Variants in PRTG observed in about 807,000 individuals in gnomAD.
PRTG encodes protogenin.
A neutral mutation model predicts 122.5 loss-of-function variants in PRTG; 67 were observed. The ratio of observed to expected loss-of-function variants is 0.55; its 90% CI spans 0.45 to 0.67. The LOEUF is 0.67. Ranked by LOEUF, PRTG falls within the 30% of genes least tolerant of loss-of-function variation. PRTG has a pLI of 0.00. For synonymous variants in PRTG, 554 were observed against 501.1 expected, an observed-to-expected ratio of 1.11 and a Z score of -1.41; for missense variants, 1,435 against 1,415.4, an observed-to-expected ratio of 1.01 and a Z score of -0.22.
rs1032052713 is a variant in PRTG, at chr15:55,656,504, G to A, written c.2042-15296C>T. ...ACTTCGAAAGCTTTCCTAACCCAGA[G>A]CAGTGTAATTTTTTCTTTTTTGAGA... On this transcript the variant is annotated intron_variant, in intron 11 of 19. Transcript: ENST00000389286. 10 of 358,126 alleles carry A rather than the reference G, an allele frequency of 2.8e-5. No homozygotes were observed. In the Admixed American group the frequency reaches 3.4e-4, roughly 12 times the overall value. 22.2% of individuals were successfully genotyped at this position (358,126 alleles called of 1,614,324 possible).
intron 11 of PRTG, among the ~76,000 whole-genome samples, chr15:55,645,714 A>G (rs2059318475): frequency 6.6e-6 from 1 of 152,136 alleles, no homozygotes; most frequent in Non-Finnish European, 1.5e-5. Context: ...CAAACCAGAG[A>G]CCAGGGCCAA....
chr15:55,742,682 A>T, intron 1 of PRTG, 156 bp downstream of exon 1: 1 of 887,384 alleles, frequency 1.1e-6, no homozygotes, highest in Non-Finnish European at 1.7e-6. Flanking sequence ...GCGGTTCCGG[A>T]CAGGCCGCAG....
At chr15:55,711,609 G>T (rs2141855076) in intron 2 of PRTG, among the ~76,000 whole-genome samples, 2 of 152,194 alleles carry the variant, frequency 1.3e-5, no homozygotes, top group East Asian at 3.9e-4. Flanking sequence ...GGAAAGACAT[G>T]GTCCAATCTT....
At chr15:55,627,284 TAATCAGTGA>T (rs2059200152) in intron 16 of PRTG, among the ~76,000 whole-genome samples, 156 bp from the exon 17 acceptor site, 2 of 151,890 alleles carry the variant, frequency 1.3e-5, no homozygotes, top group African/African-American at 4.8e-5. Flanking sequence ...CAGTAATCTT[TAATCAGTGA>T]TTTCAGAGAC....
At chr15:55,633,476 C>T (rs1357350968) in intron 15 of PRTG, among the ~76,000 whole-genome samples, 2 of 152,156 alleles carry the variant, frequency 1.3e-5, no homozygotes, top group African/African-American at 2.4e-5. Flanking sequence ...GTATTATATG[C>T]TCACCAGAAA....
chr15:55,666,867 A>G (rs2059442006), intron 11 of PRTG, among the ~76,000 whole-genome samples: 1 of 152,214 alleles, frequency 6.6e-6, no homozygotes, highest in African/African-American at 2.4e-5. Context: ...CAATACCATT[A>G]TCCCTACCTA....
intron 17 of PRTG, among the ~76,000 whole-genome samples, chr15:55,625,716 C>T (rs1326747369): frequency 1.3e-5 from 2 of 151,924 alleles, no homozygotes; most frequent in Non-Finnish European, 1.5e-5. Context: ...CTCCCCCTCC[C>T]GGGTTCATGC....
chr15:55,741,847 T>C (rs1305234277), intron 1 of PRTG, among the ~76,000 whole-genome samples: 1 of 152,244 alleles, frequency 6.6e-6, no homozygotes, highest in Admixed American at 6.5e-5. Context: ...AAGGCGCCCA[T>C]TGTGTTTCTG....
chr15:55,623,780 TATACTG>T (rs1324129469), intron 18 of PRTG, among the ~76,000 whole-genome samples: 2 of 152,188 alleles, frequency 1.3e-5, no homozygotes, highest in African/African-American at 4.8e-5. Flanking sequence ...TATTATTATA[TATACTG>T]GAAAGGACAT....
At chr15:55,629,384 T>C (rs984173300) in intron 15 of PRTG, among the ~76,000 whole-genome samples, 7 of 71,880 alleles carry the variant, frequency 9.7e-5, no homozygotes, top group African/African-American at 5.8e-4. Context: ...TATGTGTGTG[T>C]GTGTGTGTGT....
At chr15:55,661,881 T>C (rs1457389231) in intron 11 of PRTG, among the ~76,000 whole-genome samples, 1 of 112,610 alleles carries the variant, frequency 8.9e-6, no homozygotes, top group Non-Finnish European at 1.9e-5. Flanking sequence ...GAAAAAGAAA[T>C]CTTGCTTAAT....
In PRTG at chr15:55,620,120, T is replaced by C. The variant is rs981729792; in HGVS notation, c.3345A>G (p.Ala1115=). 1 of 1,614,112 alleles carries C rather than the reference T, an allele frequency of 6.2e-7. No individual in the cohort carries two copies. The highest frequency in any genetic ancestry group is 8.5e-7 in the Non-Finnish European group (1 of 1,180,044). ...CAGTCTCATGGCTGCCTTCACTATT[T>C]GCTGAATGTTCTGTATCAGCTGCAA... ...FGVAADTEHS[A]NSEGSHETGD... Residue 1115 remains alanine, a synonymous_variant, in exon 20 of 20, where the codon GCA becomes GCG. Coordinates refer to ENST00000389286, the MANE Select transcript of PRTG (RefSeq NM_173814.6).
At position 55,627,024 on chromosome 15, in the gene PRTG, A is replaced by T. The variant is rs1435354528; in HGVS notation, c.2911T>A (p.Tyr971Asn). 1 of 1,607,828 alleles carries T rather than the reference A, an allele frequency of 6.2e-7. No individual in the cohort carries two copies. ...GAAACACACCTGGCTTTACTTCGGT[A>T]TATCAAGATGAGAACACAGATGAGG... Reference protein sequence around the residue: ...CILICVLILIYRSKARKSSAS... With the variant: ...CILICVLILINRSKARKSSAS... Residue 971 changes from tyrosine to asparagine, a missense_variant, in exon 17 of 20, where the codon TAC (tyrosine) becomes AAC (asparagine). By Grantham distance (143) the Tyr-to-Asn change is moderately radical (BLOSUM62 -2). Coordinates refer to ENST00000389286, the MANE Select transcript of PRTG (RefSeq NM_173814.6).
intron 2 of PRTG, among the ~76,000 whole-genome samples, chr15:55,736,440 CAA>C (rs2031415445): frequency 1.3e-5 from 2 of 151,698 alleles, no homozygotes; most frequent in South Asian, 4.2e-4. Context: ...CTTCACATTT[CAA>C]AGACTTGGTA....
chr15:55,625,927 A>AT (rs909911372), intron 17 of PRTG, among the ~76,000 whole-genome samples: 3 of 151,778 alleles, frequency 2.0e-5, no homozygotes, highest in African/African-American at 7.3e-5. Flanking sequence ...CCGGCCTAAC[A>AT]TTTTTTGTAG....
intron 2 of PRTG, among the ~76,000 whole-genome samples, chr15:55,710,170 T>A: frequency 6.6e-6 from 1 of 152,208 alleles, no homozygotes; most frequent in East Asian, 1.9e-4. Flanking sequence ...TTATGGCAAC[T>A]ATTTTACTTC....
intron 2 of PRTG, among the ~76,000 whole-genome samples, chr15:55,711,081 ATTTTTTT>A: frequency 8.7e-6 from 1 of 115,482 alleles, no homozygotes; most frequent in East Asian, 2.4e-4. Flanking sequence ...TAATTTTTGT[ATTTTTTT>A]TTTTTTTTTT....
chr15:55,636,694 C>G (rs2059259613), intron 15 of PRTG, among the ~76,000 whole-genome samples: 1 of 151,852 alleles, frequency 6.6e-6, no homozygotes, highest in African/African-American at 2.4e-5. Flanking sequence ...GTTGCCCAGG[C>G]TGGAGTGCAA....
chr15:55,734,935 CA>C (rs1180206132), intron 2 of PRTG, among the ~76,000 whole-genome samples: 1 of 152,128 alleles, frequency 6.6e-6, no homozygotes, highest in African/African-American at 2.4e-5. Flanking sequence ...CTGCAATTAT[CA>C]ATTGTTTACT....
Sources: gnomAD v4.1 joint callset for allele counts (sites outside exome capture counted in the v4.1 genomes callset) on GRCh38, gnomAD v4.1.1 for gene constraint, MANE v1.5 for transcripts, NCBI Gene and HGNC (gene_info 2026-07-23, HGNC 2026-07-21) for gene names.